The following MAPK6 variants were observed in gnomAD, a reference collection of about 807,000 sequenced individuals.
MAPK6 encodes ERK-3.
MAPK6 carries 19 observed loss-of-function variants against 59.3 expected under a neutral mutation model. That is an observed-to-expected ratio of 0.32 (90% CI 0.22 to 0.47). The LOEUF (loss-of-function observed/expected upper bound fraction) is 0.47, where lower values mean the gene tolerates loss of function less well. MAPK6 is among the 20% of genes least tolerant of loss of function. MAPK6 has a pLI of 1.00. For missense variants in MAPK6, 724 were observed against 847.9 expected, an observed-to-expected ratio of 0.85 and a Z score of 1.81; for synonymous variants, 316 against 290.3, an observed-to-expected ratio of 1.09 and a Z score of -0.90.
At chr15:52,058,412 G>A (rs2032064408) in intron 3 of MAPK6, among the ~76,000 whole-genome samples, 1 of 152,034 alleles carries the variant, frequency 6.6e-6, no homozygotes. Flanking sequence ...TAAAGAGTCA[G>A]TTCCCTATGG....
At chr15:52,037,913 A>G (rs1308529517) in intron 1 of MAPK6, among the ~76,000 whole-genome samples, 1 of 152,210 alleles carries the variant, frequency 6.6e-6, no homozygotes, top group African/African-American at 2.4e-5. Context: ...AAAGCTACTT[A>G]GTCCCAAACC....
intron 1 of MAPK6, among the ~76,000 whole-genome samples, chr15:52,037,405 C>T (rs540873465): frequency 6.8e-4 from 104 of 152,320 alleles, no homozygotes; most frequent in African/African-American, 2.5e-3. Flanking sequence ...TGGTGCTAAA[C>T]CCTGCTAGGA....
intron 1 of MAPK6, among the ~76,000 whole-genome samples, chr15:51,978,821 A>G (rs1039533931): frequency 6.6e-6 from 1 of 151,792 alleles, no homozygotes; most frequent in Non-Finnish European, 1.5e-5. Flanking sequence ...CCCATTTTAC[A>G]TGTCAAGAAT....
chr15:52,040,812 G>A (rs1356233749), intron 1 of MAPK6, among the ~76,000 whole-genome samples: 2 of 152,170 alleles, frequency 1.3e-5, no homozygotes, highest in African/African-American at 4.8e-5. Context: ...TAGGAAGCTG[G>A]TATCCAGCCT....
chr15:52,024,099 T>C (rs141653048), intron 1 of MAPK6, among the ~76,000 whole-genome samples: 367 of 152,348 alleles, frequency 2.4e-3, no homozygotes, highest in African/African-American at 8.3e-3. Flanking sequence ...AGCATTTACC[T>C]CAGAAAAGTC....
intron 1 of MAPK6, among the ~76,000 whole-genome samples, chr15:52,031,175 C>T (rs900678425): frequency 1.3e-5 from 2 of 152,112 alleles, no homozygotes; most frequent in Non-Finnish European, 2.9e-5. Flanking sequence ...TGAAGTGATC[C>T]GCCCACCTTG....
At chr15:51,999,848 T>G (rs2057237332) in intron 2 of MAPK6, among the ~76,000 whole-genome samples, 1 of 152,090 alleles carries the variant, frequency 6.6e-6, no homozygotes, top group Admixed American at 6.6e-5. Flanking sequence ...TTCACCATGT[T>G]GCCTAGGCTG....
intron 1 of MAPK6, among the ~76,000 whole-genome samples, chr15:52,019,611 G>A (rs1433421437): frequency 6.8e-6 from 1 of 146,092 alleles, no homozygotes; most frequent in East Asian, 2.0e-4. Context: ...TCCCCGCGCG[G>A]GCGGGCGGGC....
At chr15:52,028,937 G>T (rs563783044) in intron 1 of MAPK6, among the ~76,000 whole-genome samples, 1 of 152,244 alleles carries the variant, frequency 6.6e-6, no homozygotes, top group East Asian at 1.9e-4. Context: ...TCTTGTAGGA[G>T]CATTCAATAT....
intron 2 of MAPK6, among the ~76,000 whole-genome samples, chr15:51,995,744 A>G (rs2057222268): frequency 6.6e-6 from 1 of 152,096 alleles, no homozygotes; most frequent in Admixed American, 6.6e-5. Context: ...CCTGCCCAAC[A>G]TGGTGAAACC....
intron 1 of MAPK6, among the ~76,000 whole-genome samples, chr15:52,034,364 A>G (rs1358108050): frequency 6.9e-6 from 1 of 145,448 alleles, no homozygotes; most frequent in East Asian, 2.1e-4. Context: ...CCCATACTGG[A>G]GCACGATGGC....
intron 2 of MAPK6, among the ~76,000 whole-genome samples, chr15:52,003,233 G>A (rs549134279): frequency 2.0e-5 from 3 of 152,006 alleles, no homozygotes; most frequent in Admixed American, 6.6e-5. Flanking sequence ...ATCAGATCTC[G>A]TGAGAACTCA....
intron 2 of MAPK6, among the ~76,000 whole-genome samples, chr15:52,048,838 C>T (rs1273240629): frequency 6.6e-6 from 1 of 151,968 alleles, no homozygotes; most frequent in East Asian, 1.9e-4. Context: ...ACACAGACAA[C>T]TTTTTTTTCC....
chr15:52,031,700 C>A (rs974740048), intron 1 of MAPK6, among the ~76,000 whole-genome samples: 1 of 152,082 alleles, frequency 6.6e-6, no homozygotes, highest in African/African-American at 2.4e-5. Flanking sequence ...GGGTGTGGCA[C>A]CTTGCACGGT....
chr15:52,064,296 G>A lies in MAPK6; in HGVS notation c.1462G>A (p.Asp488Asn). 6.2e-7 allele frequency: 1 copy of A among 1,609,996 alleles called. No homozygotes were observed. Reference protein sequence around the residue: ...NWKEQSKEKSDKKGKSKCERN... With the variant: ...NWKEQSKEKSNKKGKSKCERN... ...GAAAGAACAAAGCAAAGAAAAATCT[G>A]ATAAGAAAGGCAAATCAAAATGTGA... Residue 488 changes from aspartate (D) to asparagine (N), a missense_variant, in exon 6 of 6, where the codon GAT becomes AAT. This residue lies in a region of MAPK6 where 502 missense variants were observed against 507.6 expected (regional missense o/e 0.99). Coordinates refer to ENST00000261845, the MANE Select transcript of MAPK6 (RefSeq NM_002748.4).
intron 1 of MAPK6, among the ~76,000 whole-genome samples, chr15:52,025,004 A>G (rs1196102845): frequency 6.7e-6 from 1 of 149,672 alleles, no homozygotes; most frequent in Non-Finnish European, 1.5e-5. Context: ...CAAGTCATTC[A>G]GTGCGCATTC....
At chr15:52,053,725 T>A (rs1364826677) in intron 3 of MAPK6, among the ~76,000 whole-genome samples, 1 of 151,818 alleles carries the variant, frequency 6.6e-6, no homozygotes, top group Non-Finnish European at 1.5e-5. Context: ...CTGCAGTCTC[T>A]CCCTCCTGGG....
At chr15:52,043,741 G>GATTTT (rs2031504016) in intron 1 of MAPK6, among the ~76,000 whole-genome samples, 1 of 55,622 alleles carries the variant, frequency 1.8e-5, no homozygotes, top group Non-Finnish European at 4.0e-5. Flanking sequence ...TAAGTTGTTT[G>GATTTT]ATTTTTTTTT....
rs937068098 is a variant in MAPK6 at position 52,065,390 on chromosome 15, GAATA to G, written c.*391_*394del. On this transcript the variant is annotated 3_prime_UTR_variant, in exon 6 of 6. Coordinates refer to ENST00000261845, the MANE Select transcript of MAPK6 (RefSeq NM_002748.4). Reference sequence around the variant, plus strand: ...TTTTCCTAAGACATTTTTCATTCATGAATATTTTCAAGTTTTTCATACTGTACAC... The same window carrying G: ...TTTTCCTAAGACATTTTTCATTCATGTTTTCAAGTTTTTCATACTGTACAC... 1.3e-5 allele frequency: 2 copies of G among 157,856 alleles called. No homozygotes were observed. Among genetic ancestry groups the G allele is most frequent in the African/African-American group, 2.4e-5 (1 of 41,380 alleles). 9.8% of individuals were successfully genotyped at this position (157,856 alleles called of 1,614,324 possible).
Sources: allele counts gnomAD v4.1 joint callset (sites outside exome capture counted in the v4.1 genomes callset), GRCh38; gene constraint gnomAD v4.1.1; regional missense constraint gnomAD v4.1.1; transcripts MANE v1.5; gene names NCBI Gene and HGNC (gene_info 2026-07-23, HGNC 2026-07-21).